Variants in UPF2 observed in about 807,000 individuals in gnomAD.
UPF2 encodes regulator of nonsense transcripts 2.
Under a neutral mutation model 141.4 loss-of-function variants are expected in UPF2, and 17 were observed. The ratio of observed to expected loss-of-function variants is 0.12; its 90% CI spans 0.08 to 0.18. The LOEUF (loss-of-function observed/expected upper bound fraction) is 0.18, where lower values mean the gene tolerates loss of function less well. UPF2 is among the 10% of genes least tolerant of loss of function. The pLI, the probability that UPF2 is intolerant of heterozygous loss-of-function variation, is 1.00. For missense variants in UPF2, 1,152 were observed against 1,515.9 expected (o/e 0.76, Z 3.99); for synonymous variants, 540 against 498.0 (o/e 1.08, Z -1.12).
Position 12,035,121 on chromosome 10 carries a change from C to G in UPF2, c.303G>C (p.Glu101Asp), listed in dbSNP as rs767126858. 3.8e-6 allele frequency: 6 copies of G among 1,594,024 alleles called. No individual in the cohort carries two copies. Among genetic ancestry groups the G allele is most frequent in the Admixed American group, 1.8e-5 (1 of 54,346 alleles). ...EEEKKKHQEE[E>D]RKKQEEQAKR... is the part of the protein sequence containing the mutation. ...TGGCCTGCTCTTCTTGCTTCTTTCTCTCTTCCTCTTGATGTTTCTTTTTTT... is the reference window on the plus strand; with the variant it reads ...TGGCCTGCTCTTCTTGCTTCTTTCTGTCTTCCTCTTGATGTTTCTTTTTTT... Residue 101 changes from glutamate (E) to aspartate (D), a missense_variant, in exon 2 of 22, where the codon GAG becomes GAC. Glu to Asp is a conservative substitution (Grantham distance 45). Transcript: ENST00000357604.
intron 15 of UPF2, 124 bp from the exon 16 acceptor site, chr10:11,948,632 G>C: frequency 8.9e-7 from 1 of 1,126,668 alleles, no homozygotes; most frequent in Non-Finnish European, 1.2e-6. Context: ...TCAGAACAAA[G>C]GTAAAAGAAT....
At position 11,998,980 on chromosome 10, in the gene UPF2, G is replaced by A. The variant is rs1021838590; in HGVS notation, c.1758+926C>T. Among the ~76,000 whole-genome samples, 16 of 146,212 alleles carry A rather than the reference G, an allele frequency of 1.1e-4. No homozygotes were observed. The highest frequency in any genetic ancestry group is 2.2e-4 in the South Asian group (1 of 4,608). On this transcript the variant is annotated intron_variant, in intron 7 of 21. Coordinates refer to ENST00000357604, the MANE Select transcript of UPF2 (RefSeq NM_015542.4). This position sits in a 1 kb window ranked among gnomAD's most constrained non-coding sequence, Gnocchi z 4.5. ...ACAAAGGTTGCAGTGAGCCAAGACC[G>A]TGCCACTGCACTCCAGACCGGGCAA... is the stretch of plus-strand genomic sequence containing the variant.
intron 8 of UPF2, among the ~76,000 whole-genome samples, chr10:11,986,846 T>A (rs1353003279): frequency 1.3e-5 from 2 of 152,084 alleles, no homozygotes; most frequent in African/African-American, 2.4e-5. Flanking sequence ...AGTTCCAAAT[T>A]GAGTGAAGGA....
At chr10:12,037,503 C>T (rs988686200) in intron 1 of UPF2, among the ~76,000 whole-genome samples, 12 of 151,096 alleles carry the variant, frequency 7.9e-5, no homozygotes, top group African/African-American at 2.4e-4. Flanking sequence ...TTAAGTGAAC[C>T]TCCCACCTCA....
At chr10:11,967,947 CG>C (rs1319910660) in intron 9 of UPF2, among the ~76,000 whole-genome samples, 1 of 152,086 alleles carries the variant, frequency 6.6e-6, no homozygotes, top group African/African-American at 2.4e-5. Context: ...TTCAGGAGGC[CG>C]AGGTTGGCGG....
chr10:11,927,143 C>A (rs903501215), intron 21 of UPF2, among the ~76,000 whole-genome samples: 1 of 152,222 alleles, frequency 6.6e-6, no homozygotes, highest in Non-Finnish European at 1.5e-5. Flanking sequence ...CCATCTTCCA[C>A]AGTGCAGTCC....
chr10:12,005,740 T>C (rs547228314), intron 4 of UPF2, among the ~76,000 whole-genome samples: 274 of 152,210 alleles, frequency 1.8e-3, no homozygotes, highest in Non-Finnish European at 2.9e-3. Flanking sequence ...GGCTACTTTT[T>C]TGTTATTTTT....
At chr10:11,981,739 G>A (rs972709592) in intron 8 of UPF2, among the ~76,000 whole-genome samples, 3 of 152,210 alleles carry the variant, frequency 2.0e-5, no homozygotes, top group South Asian at 2.1e-4. Flanking sequence ...GGAGTGGAGT[G>A]CAGTGGTACA....
intron 3 of UPF2, among the ~76,000 whole-genome samples, chr10:12,021,188 T>A (rs899777570): frequency 6.6e-6 from 1 of 152,162 alleles, no homozygotes; most frequent in African/African-American, 2.4e-5. Flanking sequence ...TGTTTTACCA[T>A]CTTCAAAATA....
chr10:12,019,645 T>G lies in UPF2; in HGVS notation c.1146-5461A>C, dbSNP rs1834282948. Among the ~76,000 whole-genome samples, 1 of 152,196 alleles carries G rather than the reference T, an allele frequency of 6.6e-6. No individual in the cohort carries two copies. Among genetic ancestry groups the G allele is most frequent in the Non-Finnish European group, 1.5e-5 (1 of 68,038 alleles). On this transcript the variant is annotated intron_variant, in intron 3 of 21. Transcript: ENST00000357604. The surrounding 1 kb of genome is among the most constrained non-coding windows in gnomAD (Gnocchi z 4.5). ...TTATAAAAATAAAAAAAAATTGCCT[T>G]CCTTTCGGCAACATACGTGAGACAT...
chr10:12,033,663 T>C (rs1324390589), intron 2 of UPF2, among the ~76,000 whole-genome samples: 2 of 152,140 alleles, frequency 1.3e-5, no homozygotes, highest in Admixed American at 1.3e-4. Context: ...CCCTCTTAAA[T>C]TAAAAAAAAA....
At chr10:12,037,746 T>C (rs1050810226) in intron 1 of UPF2, among the ~76,000 whole-genome samples, 8 of 152,112 alleles carry the variant, frequency 5.3e-5, no homozygotes, top group African/African-American at 1.7e-4. Context: ...TTTTCAAATA[T>C]AGGTTTTAAA....
chr10:12,021,337 C>T (rs540607418), intron 3 of UPF2, among the ~76,000 whole-genome samples: 1 of 146,466 alleles, frequency 6.8e-6, no homozygotes, highest in East Asian at 2.1e-4. Context: ...CAAGACCAGC[C>T]TGGCCAACAT....
In UPF2 at chr10:11,955,224, T is replaced by A. The variant is rs1237197159; in HGVS notation, c.2850+8A>T. 6.3e-7 allele frequency: 1 copy of A among 1,575,544 alleles called. No individual in the cohort carries two copies. The highest frequency in any genetic ancestry group is 8.6e-7 in the Non-Finnish European group (1 of 1,160,156). On this transcript the variant is annotated splice_region_variant and intron_variant, in intron 14 of 21. Transcript: ENST00000357604. ...ATGATGCCAAACTGAATATTTCAGC[T>A]TATATACCTGAAAATATACAAGGAA...
chr10:12,017,266 C>T lies in UPF2; in HGVS notation c.1146-3082G>A, dbSNP rs189279683. On this transcript the variant is annotated intron_variant, in intron 3 of 21. Coordinates refer to ENST00000357604, the MANE Select transcript of UPF2 (RefSeq NM_015542.4). ...AATCGGAAAATATATCTCAGAATAACATAACCCAAAACTTTAATTCTCTTA... is the reference window on the plus strand; with the variant it reads ...AATCGGAAAATATATCTCAGAATAATATAACCCAAAACTTTAATTCTCTTA... Among the ~76,000 whole-genome samples, 5 of 152,280 alleles carry T rather than the reference C, an allele frequency of 3.3e-5. No homozygotes were observed. In the East Asian group the frequency reaches 7.7e-4, roughly 23 times the overall value.
At chr10:11,942,331 C>T (rs1332743583) in intron 18 of UPF2, among the ~76,000 whole-genome samples, 2 of 152,122 alleles carry the variant, frequency 1.3e-5, no homozygotes, top group Non-Finnish European at 2.9e-5. Flanking sequence ...TGAGATCGTG[C>T]CACTGCACTC....
At chr10:12,024,572 T>C (rs1834375995) in intron 3 of UPF2, among the ~76,000 whole-genome samples, 1 of 152,084 alleles carries the variant, frequency 6.6e-6, no homozygotes, top group East Asian at 1.9e-4. Context: ...ATCACGCCAC[T>C]GTACTCCAGC....
chr10:11,958,588 T>C (rs1371817176), intron 12 of UPF2, among the ~76,000 whole-genome samples: 5 of 152,366 alleles, frequency 3.3e-5, no homozygotes, highest in African/African-American at 9.6e-5. Flanking sequence ...CCCTGTATTA[T>C]ATGTCAAGTG....
At chr10:11,969,548 A>G (rs1833380727) in intron 9 of UPF2, among the ~76,000 whole-genome samples, 1 of 152,166 alleles carries the variant, frequency 6.6e-6, no homozygotes, top group Non-Finnish European at 1.5e-5. Flanking sequence ...AGAATGTCTC[A>G]TTTTTAATAT....
Sources: gnomAD v4.1 joint callset for allele counts (sites outside exome capture counted in the v4.1 genomes callset) on GRCh38, gnomAD v4.1.1 for gene constraint, Gnocchi (gnomAD v3.1) non-coding constraint, MANE v1.5 for transcripts, NCBI Gene and HGNC (gene_info 2026-07-23, HGNC 2026-07-21) for gene names.